The following TTC7A variants were observed in gnomAD, a reference collection of about 807,000 sequenced individuals.
The protein encoded by TTC7A is tetratricopeptide repeat protein 7A.
TTC7A carries 110 observed loss-of-function variants against 103.7 expected under a neutral mutation model. The observed-to-expected ratio is 1.06, with a 90% CI of 0.91 to 1.24. TTC7A has a LOEUF of 1.24. TTC7A is among the 50% of genes most tolerant of loss of function. The pLI is 0.00. For missense variants in TTC7A, 1,340 were observed against 1,116.3 expected, an observed-to-expected ratio of 1.20 and a Z score of -2.86; for synonymous variants, 521 against 467.9, an observed-to-expected ratio of 1.11 and a Z score of -1.47.
chr2:46,998,047 T>C (rs17481349), intron 8 of TTC7A, among the ~76,000 whole-genome samples: 16,080 of 151,970 alleles, frequency 0.11, 959 homozygotes, highest in Admixed American at 0.14. Context: ...CCTCAGAGAC[T>C]AGGGGTTATG....
chr2:46,977,564 G>A (rs1424222800), intron 4 of TTC7A, among the ~76,000 whole-genome samples: 1 of 152,164 alleles, frequency 6.6e-6, no homozygotes, highest in African/African-American at 2.4e-5. Context: ...TGGATGTTCT[G>A]ACGTTCCATG....
chr2:47,073,635 G>T, intron 19 of TTC7A, 67 bp from the exon 20 acceptor site: 2 of 1,430,162 alleles, frequency 1.4e-6, no homozygotes, highest in African/African-American at 2.8e-5. Flanking sequence ...CCTGTGCTTG[G>T]CCCAGTTGCC....
chr2:47,041,610 G>C (rs182595831), intron 15 of TTC7A, among the ~76,000 whole-genome samples: 1 of 152,100 alleles, frequency 6.6e-6, no homozygotes, highest in Non-Finnish European at 1.5e-5. Context: ...AAAATTAGCC[G>C]GGCCTGGTGG....
chr2:47,044,020 A>T (rs1192810173), intron 15 of TTC7A, among the ~76,000 whole-genome samples: 2 of 140,510 alleles, frequency 1.4e-5, no homozygotes, highest in African/African-American at 4.9e-5. Context: ...TGGCCTGCCC[A>T]GGGAGCTGTC....
At chr2:47,011,675 A>G (rs1396843091) in intron 11 of TTC7A, among the ~76,000 whole-genome samples, 4 of 152,240 alleles carry the variant, frequency 2.6e-5, no homozygotes, top group Non-Finnish European at 4.4e-5. Flanking sequence ...TGTGGCCTCC[A>G]GAGAGTGAAA....
At position 46,993,503 on chromosome 2, in the gene TTC7A, C is replaced by A. The variant is rs1675836281; in HGVS notation, c.818C>A (p.Thr273Asn). 2 of 1,614,100 alleles carry A rather than the reference C, an allele frequency of 1.2e-6. No homozygotes were observed. Among genetic ancestry groups the A allele is most frequent in the African/African-American group, 1.3e-5 (1 of 75,018 alleles). The change falls in exon 6 of 20, where the codon ACC (threonine) becomes AAC (asparagine). Residue 273 changes from threonine to asparagine, a missense_variant. Physicochemically the swap from Thr to Asn is moderately conservative, Grantham distance 65. Coordinates refer to ENST00000319190, the MANE Select transcript of TTC7A (RefSeq NM_020458.4). ...ELREVLRTVE[T>N]KATQNFKVMA... ...CGGGAGGTGCTGCGGACTGTGGAGACCAAAGCAACTCAGAACTTCAAAGTG... is the reference window on the plus strand; with the variant it reads ...CGGGAGGTGCTGCGGACTGTGGAGAACAAAGCAACTCAGAACTTCAAAGTG...
intron 15 of TTC7A, among the ~76,000 whole-genome samples, chr2:47,034,779 C>T (rs1384193907): frequency 6.6e-6 from 1 of 152,178 alleles, no homozygotes; most frequent in East Asian, 1.9e-4. Context: ...AGGGTAGGCC[C>T]TCTTGGGAGT....
At chr2:46,987,036 C>T (rs1675084962) in intron 5 of TTC7A, among the ~76,000 whole-genome samples, 3 of 152,330 alleles carry the variant, frequency 2.0e-5, no homozygotes, top group South Asian at 4.1e-4. Context: ...GGCTCTTGCC[C>T]CTTGCTCTGT....
rs191317626 is a variant in TTC7A at position 47,031,620 on chromosome 2, A to G, written c.1802+2236A>G. ...ATTTCCTAATGAAATCTTCCTTGGA[A>G]ACTGAGACTGTGATGCAGGCGGGAG... is the stretch of plus-strand genomic sequence containing the variant. On this transcript the variant is annotated intron_variant, in intron 15 of 19. Coordinates refer to ENST00000319190, the MANE Select transcript of TTC7A (RefSeq NM_020458.4). 2.2e-3 allele frequency among the ~76,000 whole-genome samples: 340 copies of G among 152,334 alleles called. 3 individuals carry two copies. Among genetic ancestry groups the G allele is most frequent in the Non-Finnish European group, 2.9e-3 (198 of 68,024 alleles).
intron 18 of TTC7A, among the ~76,000 whole-genome samples, chr2:47,060,167 C>T (rs1433913124): frequency 6.6e-6 from 1 of 151,930 alleles, no homozygotes; most frequent in African/African-American, 2.4e-5. Flanking sequence ...GGGCAGATCA[C>T]TTGAGGCCAG....
intron 3 of TTC7A, among the ~76,000 whole-genome samples, chr2:46,969,231 C>T (rs1386067815): frequency 2.0e-5 from 3 of 151,094 alleles, no homozygotes; most frequent in Non-Finnish European, 2.9e-5. Context: ...GGGCCGGGCA[C>T]GGTGGCTCAC....
intron 15 of TTC7A, chr2:47,034,238 CAGCCGGGCTGTCCCTGGCCAAGA>C (rs1450421166): frequency 6.6e-6 from 1 of 152,254 alleles, no homozygotes; most frequent in African/African-American, 2.4e-5. Flanking sequence ...ACACATGTGC[CAGCCGGGCTGTCCCTGGCCAAGA>C]GGCCAGGCCT....
chr2:46,919,272 C>G (rs201953698), intron 2 of TTC7A, among the ~76,000 whole-genome samples: 1 of 152,186 alleles, frequency 6.6e-6, no homozygotes, highest in African/African-American at 2.4e-5. Context: ...TGGTGGCTCA[C>G]GCCTGTAATC....
At position 47,060,172 on chromosome 2, in the gene TTC7A, G is replaced by A. The variant is rs144475354; in HGVS notation, c.2153-597G>A. On this transcript the variant is annotated intron_variant, in intron 18 of 19. Coordinates refer to ENST00000319190, the MANE Select transcript of TTC7A (RefSeq NM_020458.4). Reference sequence around the variant, plus strand: ...AGGCTAAGGTGGGCAGATCACTTGAGGCCAGGAGTTCGAGACCAGCCTGAG... The same window carrying A: ...AGGCTAAGGTGGGCAGATCACTTGAAGCCAGGAGTTCGAGACCAGCCTGAG... Among the ~76,000 whole-genome samples, 1,350 of 152,000 alleles carry A rather than the reference G, an allele frequency of 8.9e-3. 58 individuals carry two copies. Among genetic ancestry groups the A allele is most frequent in the Admixed American group, 0.062 (949 of 15,258 alleles).
At chr2:46,958,635 C>A in intron 3 of TTC7A, 1 of 991,010 alleles carries the variant, frequency 1.0e-6, no homozygotes, top group Non-Finnish European at 1.4e-6. Flanking sequence ...CACATGGCCT[C>A]CCCTTTGCCT....
In TTC7A at chr2:47,029,530, G is replaced by A. The variant is rs1038808719; in HGVS notation, c.1802+146G>A. On this transcript the variant is annotated intron_variant, in intron 15 of 19. Transcript: ENST00000319190. ...GCACAATCCCTGGTGGAGAGACAGG[G>A]GTGAGGACAGGTGGGGTCAGCAGAC... 1.1e-5 allele frequency: 10 copies of A among 920,718 alleles called. No homozygotes were observed. The Admixed American group carries it at 2.0e-4, about 18-fold the overall frequency. The allele number at this position is 920,718 out of a possible 1,614,324, so 57.0% of individuals were successfully genotyped here. A position where few individuals can be genotyped will look rare whatever the true frequency, so the allele number is the denominator to read the frequency against.
intron 18 of TTC7A, among the ~76,000 whole-genome samples, chr2:47,060,152 A>G (rs1683645793): frequency 6.6e-6 from 1 of 151,762 alleles, no homozygotes; most frequent in East Asian, 1.9e-4. Context: ...TTGGGAGGCT[A>G]AGGTGGGCAG....
At chr2:46,938,801 C>G (rs1670105277), upstream of TTC7A, among the ~76,000 whole-genome samples, 1 of 151,282 alleles carries the variant, frequency 6.6e-6, no homozygotes. Flanking sequence ...ATCATGAGGT[C>G]AGGAGTTTGA....
chr2:47,061,060 A>G (rs1275145080), intron 19 of TTC7A, 89 bp downstream of exon 19: 13 of 1,338,312 alleles, frequency 9.7e-6, no homozygotes, highest in African/African-American at 1.5e-5. Flanking sequence ...CCCATACTCC[A>G]CTGCCTGCCT....
Sources: gnomAD v4.1 joint callset for allele counts (sites outside exome capture counted in the v4.1 genomes callset) on GRCh38, gnomAD v4.1.1 for gene constraint, MANE v1.5 for transcripts, NCBI Gene and HGNC (gene_info 2026-07-23, HGNC 2026-07-21) for gene names.